Variants in ABCE1 observed in about 807,000 individuals in gnomAD.
ABCE1 encodes ATP binding cassette subfamily E member 1, also known as ATP-binding cassette sub-family E member 1.
In ABCE1, 22 loss-of-function variants were observed where a neutral mutation model predicts 83.4. The ratio of observed to expected loss-of-function variants is 0.26; its 90% CI spans 0.19 to 0.38. The LOEUF is 0.38. ABCE1 is among the 10% of genes least tolerant of loss of function. The pLI, the probability that ABCE1 is intolerant of heterozygous loss-of-function variation, is 1.00. For synonymous variants in ABCE1, 204 were observed against 233.7 expected (o/e 0.87, Z 1.16); for missense variants, 330 against 721.9 (o/e 0.46, Z 6.22).
At chr4:145,103,960 A>G (rs2062088100) in intron 1 of ABCE1, among the ~76,000 whole-genome samples, 1 of 151,896 alleles carries the variant, frequency 6.6e-6, no homozygotes. Flanking sequence ...ATGAGATTGA[A>G]TTAAATATAT....
intron 6 of ABCE1, 43 bp from the exon 7 acceptor site, chr4:145,110,332 A>T (rs1749432735): frequency 6.2e-7 from 1 of 1,601,084 alleles, no homozygotes; most frequent in Non-Finnish European, 8.5e-7. Flanking sequence ...ATTCTTTTTA[A>T]TATTGAAAGA....
intron 2 of ABCE1, 54 bp from the exon 3 acceptor site, chr4:145,105,550 TC>T: frequency 2.3e-6 from 3 of 1,325,058 alleles, no homozygotes; most frequent in East Asian, 2.4e-5. Context: ...ATAACAGTGT[TC>T]GGAAAATTAG....
intron 10 of ABCE1, among the ~76,000 whole-genome samples, chr4:145,119,308 G>A (rs1749680923): frequency 6.6e-6 from 1 of 151,780 alleles, no homozygotes; most frequent in Non-Finnish European, 1.5e-5. Flanking sequence ...GTCTGCCATT[G>A]TAGATCTTAA....
At chr4:145,099,159 C>T (rs538262675) in intron 1 of ABCE1, among the ~76,000 whole-genome samples, 17 of 152,266 alleles carry the variant, frequency 1.1e-4, no homozygotes, top group African/African-American at 4.1e-4. Flanking sequence ...TTTATTATCT[C>T]TTCAGGGCTT....
intron 11 of ABCE1, among the ~76,000 whole-genome samples, chr4:145,120,796 A>G (rs1252080828): frequency 6.6e-6 from 1 of 152,138 alleles, no homozygotes; most frequent in Admixed American, 6.5e-5. Flanking sequence ...ATTAATTTAA[A>G]TATTTTATAT....
Position 145,104,505 on chromosome 4 carries a change from A to G in ABCE1, c.93A>G (p.Val31=), listed in dbSNP as rs1388365375. ...CRQECKKSCP[V]VRMGKLCIEV... ...AGGAATGCAAAAAGAGTTGTCCTGT[A>G]GTTCGAATGGGTAAGCTGTTCTGTG... The change falls in exon 2 of 18, where the codon GTA becomes GTG. Residue 31 remains valine, a synonymous_variant. Transcript: ENST00000296577. 6.3e-7 allele frequency: 1 copy of G among 1,591,360 alleles called. No homozygotes were observed. The highest frequency in any genetic ancestry group is 1.1e-5 in the South Asian group (1 of 88,004).
chr4:145,126,108 G>A (rs1163671058), intron 17 of ABCE1, among the ~76,000 whole-genome samples: 1 of 152,028 alleles, frequency 6.6e-6, no homozygotes, highest in Non-Finnish European at 1.5e-5. Flanking sequence ...CCTGTGATGA[G>A]GAAAACATTG....
chr4:145,122,345 T>A (rs1262117908), intron 13 of ABCE1: 1 of 152,232 alleles, frequency 6.6e-6, no homozygotes, highest in Non-Finnish European at 1.5e-5. Flanking sequence ...TTAGGATTCA[T>A]CCCTAGCACA....
intron 9 of ABCE1, among the ~76,000 whole-genome samples, chr4:145,114,309 G>A (rs960010930): frequency 6.6e-6 from 1 of 152,092 alleles, no homozygotes; most frequent in Non-Finnish European, 1.5e-5. Context: ...ACATGTACCA[G>A]AGTCTTGAAA....
intron 10 of ABCE1, 132 bp downstream of exon 10, chr4:145,117,546 C>T: frequency 1.3e-6 from 1 of 753,748 alleles, no homozygotes; most frequent in East Asian, 2.8e-5. Context: ...GGAATTTAAT[C>T]ACTGAGCATA....
intron 17 of ABCE1, among the ~76,000 whole-genome samples, 172 bp downstream of exon 17, chr4:145,125,273 G>C (rs1408804838): frequency 2.0e-5 from 3 of 152,124 alleles, no homozygotes; most frequent in Non-Finnish European, 4.4e-5. Context: ...TTTGAGACCA[G>C]CCTGGCCAAC....
At chr4:145,122,813 A>G in intron 13 of ABCE1, 1 of 449,324 alleles carries the variant, frequency 2.2e-6, no homozygotes, top group Admixed American at 3.9e-5. Flanking sequence ...TCTCAAAAGA[A>G]AAAAAAAAAT....
At chr4:145,122,429 A>G (rs1196029534) in intron 13 of ABCE1, 1 of 152,006 alleles carries the variant, frequency 6.6e-6, no homozygotes. Flanking sequence ...TGGAATTTCT[A>G]CTCTTAAATG....
At chr4:145,099,974 C>T (rs1749090617) in intron 1 of ABCE1, among the ~76,000 whole-genome samples, 1 of 152,134 alleles carries the variant, frequency 6.6e-6, no homozygotes, top group Admixed American at 6.5e-5. Context: ...TATAATCTTC[C>T]TCTCCAAGCT....
chr4:145,109,074 AT>A, intron 4 of ABCE1, 57 bp from the exon 5 acceptor site: 1 of 1,173,054 alleles, frequency 8.5e-7, no homozygotes, highest in Non-Finnish European at 1.3e-6. Context: ...TTCTGATGTT[AT>A]GTGGCTTTTT....
rs894164545 is a variant in ABCE1 at position 145,128,882 on chromosome 4, C to A, written c.*1309C>A. 2 of 152,138 alleles carry A rather than the reference C, an allele frequency of 1.3e-5. No homozygotes were observed. Among genetic ancestry groups the A allele is most frequent in the African/African-American group, 4.8e-5 (2 of 41,446 alleles). 9.4% of individuals were successfully genotyped at this position (152,138 alleles called of 1,614,324 possible). A position where few individuals can be genotyped will look rare whatever the true frequency, so the allele number is the denominator to read the frequency against. On this transcript the variant is annotated 3_prime_UTR_variant, in exon 18 of 18. Coordinates refer to ENST00000296577, the MANE Select transcript of ABCE1 (RefSeq NM_002940.3). ...CTATTATGCCTTTTAAAAATAATTT[C>A]AGTAACCCATAAATACATGTTGTAA...
At chr4:145,105,297 A>G (rs1291868881) in intron 2 of ABCE1, among the ~76,000 whole-genome samples, 1 of 152,094 alleles carries the variant, frequency 6.6e-6, no homozygotes, top group Admixed American at 6.5e-5. Flanking sequence ...ATCAGCTTAA[A>G]AATATTTCAG....
intron 10 of ABCE1, among the ~76,000 whole-genome samples, chr4:145,117,696 C>T (rs936622700): frequency 1.3e-5 from 2 of 151,640 alleles, no homozygotes; most frequent in Non-Finnish European, 3.0e-5. Context: ...ATTTTGGCTT[C>T]TGCAGTATTA....
chr4:145,117,357 T>A lies in ABCE1; in HGVS notation c.865T>A (p.Leu289Ile). Residue 289 changes from leucine to isoleucine, a missense_variant, in exon 10 of 18, where the codon TTA (leucine) becomes ATA (isoleucine). Transcript: ENST00000296577. ...LDYLSDFICC[L>I]YGVPSAYGVV... is the part of the protein sequence containing the mutation. ...CTATCTCTCCGACTTCATCTGCTGTTTATATGGTGTACCAAGCGCCTATGG... is the reference window on the plus strand; with the variant it reads ...CTATCTCTCCGACTTCATCTGCTGTATATATGGTGTACCAAGCGCCTATGG... The A allele has an allele frequency of 6.2e-7, 1 of 1,611,160 alleles. No individual in the cohort carries two copies. Among genetic ancestry groups the A allele is most frequent in the Non-Finnish European group, 8.5e-7 (1 of 1,178,434 alleles).
Sources: gnomAD v4.1 joint callset for allele counts (sites outside exome capture counted in the v4.1 genomes callset) on GRCh38, gnomAD v4.1.1 for gene constraint, MANE v1.5 for transcripts, NCBI Gene and HGNC (gene_info 2026-07-23, HGNC 2026-07-21) for gene names.